Variants in ALG1 observed in about 807,000 individuals in gnomAD.
ALG1 encodes chitobiosyldiphosphodolichol beta-mannosyltransferase.
A neutral mutation model predicts 55.1 loss-of-function variants in ALG1; 58 were observed. The observed-to-expected ratio is 1.05, with a 90% CI of 0.85 to 1.31. The LOEUF (loss-of-function observed/expected upper bound fraction) is 1.31. ALG1 is among the 50% of genes most tolerant of loss of function. The probability of loss-of-function intolerance (pLI) is 0.00; values close to 1 mark genes in which losing one functional copy is unlikely to be tolerated. For synonymous variants in ALG1, 309 were observed against 247.0 expected (o/e 1.25, Z -2.35); for missense variants, 761 against 598.6 (o/e 1.27, Z -2.83).
chr16:5,079,776 C>G lies in ALG1; in HGVS notation c.930C>G (p.His310Gln), dbSNP rs1956983777. 1.2e-6 allele frequency: 2 copies of G among 1,611,652 alleles called. No homozygotes were observed. The highest frequency in any genetic ancestry group is 1.7e-5 in the Admixed American group (1 of 59,962). The part of the protein sequence containing the change: ...EKFEQLTLDG[H>Q]NLPSLVCVIT... ...TTGAACAACTGACTCTTGATGGACA[C>G]AACCTTCCTTCTCTCGTCTGTGTGA... Residue 310 changes from histidine (H) to glutamine (Q), a missense_variant, in exon 9 of 13, where the codon CAC becomes CAG. His to Gln is a conservative substitution (Grantham distance 24). Coordinates refer to ENST00000262374, the MANE Select transcript of ALG1 (RefSeq NM_019109.5).
intron 9 of ALG1, 75 bp from the exon 10 acceptor site, chr16:5,080,871 G>T: frequency 6.4e-7 from 1 of 1,552,568 alleles, no homozygotes; most frequent in Non-Finnish European, 8.8e-7. Context: ...CTCCTAGGGG[G>T]GAGTGTCTTG....
chr16:5,083,096 G>A (rs1020925882), intron 11 of ALG1, among the ~76,000 whole-genome samples: 5 of 152,230 alleles, frequency 3.3e-5, no homozygotes, highest in African/African-American at 7.2e-5. Flanking sequence ...TCACATGGTC[G>A]GTTTGAATCA....
At chr16:5,082,216 A>G (rs940591514) in intron 10 of ALG1, among the ~76,000 whole-genome samples, 1 of 152,128 alleles carries the variant, frequency 6.6e-6, no homozygotes, top group African/African-American at 2.4e-5. Flanking sequence ...AAATGCTGGG[A>G]TTACAGGCAG....
chr16:5,079,238 G>A, intron 8 of ALG1, 136 bp downstream of exon 8: 1 of 1,183,656 alleles, frequency 8.4e-7, no homozygotes, highest in Non-Finnish European at 1.2e-6. Context: ...GGTGGTGGAA[G>A]TGGGCCGCCC....
intron 10 of ALG1, 90 bp from the exon 11 acceptor site, chr16:5,082,469 C>T: frequency 7.1e-7 from 1 of 1,403,056 alleles, no homozygotes; most frequent in Non-Finnish European, 1.0e-6. Context: ...GATTTTCACT[C>T]TCCTTGGGGG....
intron 9 of ALG1, among the ~76,000 whole-genome samples, chr16:5,080,725 C>T (rs1031703648): frequency 6.6e-6 from 1 of 152,236 alleles, no homozygotes; most frequent in Non-Finnish European, 1.5e-5. Context: ...CAGCTGGCTG[C>T]AGGTGAAAGG....
rs1435516257 is a variant in ALG1 at position 5,086,032 on chromosome 16, C to T, written c.*1151C>T. On this transcript the variant is annotated 3_prime_UTR_variant, in exon 13 of 13. Coordinates refer to ENST00000262374, the MANE Select transcript of ALG1 (RefSeq NM_019109.5). Reference sequence around the variant, plus strand: ...AGCAGAGATCTGAATAGTCAACCCACTCTTCACAAAGCTTAGAAAGCGGCC... The same window carrying T: ...AGCAGAGATCTGAATAGTCAACCCATTCTTCACAAAGCTTAGAAAGCGGCC... 1.3e-5 allele frequency among the ~76,000 whole-genome samples: 2 copies of T among 152,238 alleles called. No homozygotes were observed. The highest frequency in any genetic ancestry group is 2.9e-5 in the Non-Finnish European group (2 of 68,044).
intron 4 of ALG1, among the ~76,000 whole-genome samples, chr16:5,075,883 C>T (rs1956903795): frequency 6.6e-6 from 1 of 152,202 alleles, no homozygotes; most frequent in Admixed American, 6.5e-5. Context: ...GGGAGGGCAG[C>T]CCTTTCTGAT....
chr16:5,075,363 C>T, intron 3 of ALG1, 25 bp from the exon 4 acceptor site: 7 of 1,613,716 alleles, frequency 4.3e-6, no homozygotes, highest in Non-Finnish European at 5.9e-6. Context: ...GGGTTTCCTC[C>T]CCTTCAAGTC....
At chr16:5,082,480 A>T in intron 10 of ALG1, 79 bp from the exon 11 acceptor site, 1 of 1,463,978 alleles carries the variant, frequency 6.8e-7, no homozygotes, top group Non-Finnish European at 9.5e-7. Context: ...TCCTTGGGGG[A>T]TGCTGCCTCA....
At position 5,073,038 on chromosome 16, in the gene ALG1, C is replaced by A. The variant is rs371480769; in HGVS notation, c.286+10C>A. The A allele has an allele frequency of 1.2e-6, 2 of 1,613,690 alleles. No homozygotes were observed. The highest frequency in any genetic ancestry group is 2.2e-5 in the East Asian group (1 of 44,894). On this transcript the variant is annotated intron_variant, in intron 2 of 12. Transcript: ENST00000262374. ...CTTCAGAGTCTTGCAGGTAGGATGCCGTCAACTCCAGAATCCTCTGAATCC... is the reference window on the plus strand; with the variant it reads ...CTTCAGAGTCTTGCAGGTAGGATGCAGTCAACTCCAGAATCCTCTGAATCC...
rs1372794201 is a variant in ALG1 at position 5,078,839 on chromosome 16, G to T, written c.823G>T (p.Glu275Ter). ...GAGCGGGCTGGTGACGCGTCTCCGT[G>T]AGCGGCCAGCCCTGCTGGTCAGCAG... ...AGSGLVTRLR[E>*]RPALLVSSTS... The change falls in exon 7 of 13, where the codon GAG becomes TAG. Residue 275 changes from glutamate to a stop codon, truncating the protein, a stop_gained. Transcript: ENST00000262374. LOFTEE classifies it high-confidence loss of function. 5 of 1,611,860 alleles carry T rather than the reference G, an allele frequency of 3.1e-6. No homozygotes were observed. In the Admixed American group the frequency reaches 5.0e-5, roughly 16 times the overall value.
intron 3 of ALG1, 157 bp downstream of exon 3, chr16:5,073,413 C>A: frequency 1.4e-6 from 1 of 691,474 alleles, no homozygotes; most frequent in East Asian, 2.7e-5. Flanking sequence ...CTATTTATGG[C>A]ACCTATCCAT....
Position 5,085,213 on chromosome 16 carries a change from G to A in ALG1, c.*332G>A, listed in dbSNP as rs1269629666. ...GGTCTCCAGGTGTCCCCTTTCTGCC[G>A]TGTTCCTAACATTTTGATTCCTGTC... is the stretch of plus-strand genomic sequence containing the variant. On this transcript the variant is annotated 3_prime_UTR_variant, in exon 13 of 13. Coordinates refer to ENST00000262374, the MANE Select transcript of ALG1 (RefSeq NM_019109.5). The A allele has an allele frequency of 1.1e-5, 6 of 544,274 alleles. No homozygotes were observed. The highest frequency in any genetic ancestry group is 3.2e-5 in the Admixed American group (1 of 31,642). 33.7% of individuals were successfully genotyped at this position (544,274 alleles called of 1,614,324 possible). A position where few individuals can be genotyped will look rare whatever the true frequency, so the allele number is the denominator to read the frequency against.
At position 5,084,732 on chromosome 16, in the gene ALG1, CT is replaced by C. The variant is rs1567173078; in HGVS notation, c.1264-17del. 9.4e-6 allele frequency: 15 copies of C among 1,596,436 alleles called. No homozygotes were observed. Among genetic ancestry groups the C allele is most frequent in the African/African-American group, 2.7e-5 (2 of 74,968 alleles). On this transcript the variant is annotated splice_polypyrimidine_tract_variant and intron_variant, in intron 12 of 12. Transcript: ENST00000262374. ...GGGACAGGCAATGAGGTAAGCTCTG[CT>C]CTTTATTTTTTTGCAGATGCTTTTC...
At chr16:5,080,246 G>A (rs533996747) in intron 9 of ALG1, among the ~76,000 whole-genome samples, 1 of 152,036 alleles carries the variant, frequency 6.6e-6, no homozygotes, top group Admixed American at 6.5e-5. Context: ...TGTATTTTTA[G>A]TAGAGACAGG....
rs577080620 is a variant in ALG1, at chr16:5,082,356, G to A, written c.1073-203G>A. Among the ~76,000 whole-genome samples, 45 of 152,308 alleles carry A rather than the reference G, an allele frequency of 3.0e-4. No homozygotes were observed. In the South Asian group the frequency reaches 4.3e-3, roughly 15 times the overall value. On this transcript the variant is annotated intron_variant, in intron 10 of 12. Coordinates refer to ENST00000262374, the MANE Select transcript of ALG1 (RefSeq NM_019109.5). ...AACAAAAAAACCAAATTGTGGTTAC[G>A]TATAAAAAGTGTCAACTTACATTTT...
chr16:5,074,445 C>G (rs899860496), intron 3 of ALG1, among the ~76,000 whole-genome samples: 1 of 152,122 alleles, frequency 6.6e-6, no homozygotes, highest in Non-Finnish European at 1.5e-5. Context: ...CCATCGTGAC[C>G]CACACCTTCC....
chr16:5,072,880 C>G, intron 1 of ALG1, 71 bp from the exon 2 acceptor site: 3 of 1,372,338 alleles, frequency 2.2e-6, no homozygotes, highest in Non-Finnish European at 3.1e-6. Flanking sequence ...GTGATTCAGC[C>G]TGAGTTGGGA....
Sources: allele counts gnomAD v4.1 joint callset (sites outside exome capture counted in the v4.1 genomes callset), GRCh38; gene constraint gnomAD v4.1.1; transcripts MANE v1.5; gene names NCBI Gene and HGNC (gene_info 2026-07-23, HGNC 2026-07-21).